Variants in STK35 observed in about 807,000 individuals in gnomAD.
STK35 encodes serine/threonine-protein kinase 35.
In STK35, 17 loss-of-function variants were observed where a neutral mutation model predicts 37.3. That is an observed-to-expected ratio of 0.46 (90% confidence interval 0.31 to 0.68). The LOEUF (loss-of-function observed/expected upper bound fraction) is 0.68. Ranked by LOEUF, STK35 falls within the 30% of genes least tolerant of loss-of-function variation. STK35 has a pLI of 0.05. For synonymous variants in STK35, 385 were observed against 319.1 expected (o/e 1.21, Z -2.20); for missense variants, 595 against 746.7 (o/e 0.80, Z 2.37).
At chr20:2,106,485 A>G (rs1275763577) in intron 2 of STK35, among the ~76,000 whole-genome samples, 1 of 152,212 alleles carries the variant, frequency 6.6e-6, no homozygotes, top group Non-Finnish European at 1.5e-5. Flanking sequence ...CTTACATTTG[A>G]AAAGTTTGAG....
rs1284598672 is a variant in STK35 at position 2,102,853 on chromosome 20, T to TC, written c.386dup (p.Pro130AlafsTer63). On this transcript the variant is annotated frameshift_variant, in exon 2 of 4. Transcript: ENST00000381482. LOFTEE classifies it high-confidence loss of function. The stretch of plus-strand genomic sequence containing the variant: ...GGGGCCCGGGCAGCGCCGTTGCTGC[T>TC]CCCCCCGCCGCCCGCAGCCATGGAA... 3.9e-6 allele frequency: 6 copies of TC among 1,542,142 alleles called. No homozygotes were observed. Among genetic ancestry groups the TC allele is most frequent in the Non-Finnish European group, 5.2e-6 (6 of 1,152,624 alleles).
chr20:2,144,151 T>C lies in STK35; in HGVS notation c.*405T>C. The C allele has an allele frequency of 3.2e-6, 1 of 310,056 alleles. No individual in the cohort carries two copies. The highest frequency in any genetic ancestry group is 6.2e-6 in the Non-Finnish European group (1 of 162,450). 19.2% of individuals were successfully genotyped at this position (310,056 alleles called of 1,614,324 possible). A position where few individuals can be genotyped will look rare whatever the true frequency, so the allele number is the denominator to read the frequency against. ...TTGGTTTTGTCCTTCACTTTCCCTCTGTCTTCCTTCTTTATACTTTTCTCA... is the reference window on the plus strand; with the variant it reads ...TTGGTTTTGTCCTTCACTTTCCCTCCGTCTTCCTTCTTTATACTTTTCTCA... On this transcript the variant is annotated 3_prime_UTR_variant, in exon 4 of 4. Coordinates refer to ENST00000381482, the MANE Select transcript of STK35 (RefSeq NM_080836.4).
At chr20:2,108,095 A>G (rs1030938348) in intron 2 of STK35, among the ~76,000 whole-genome samples, 2 of 152,248 alleles carry the variant, frequency 1.3e-5, no homozygotes, top group Non-Finnish European at 2.9e-5. Context: ...AAGGCCAGAC[A>G]TTCAAACTTG....
intron 3 of STK35, among the ~76,000 whole-genome samples, chr20:2,121,442 A>G (rs1985815058): frequency 6.6e-6 from 1 of 152,196 alleles, no homozygotes; most frequent in African/African-American, 2.4e-5. Flanking sequence ...AGTGATGGGA[A>G]GAATAGAGCT....
At chr20:2,106,424 A>G (rs56804131) in intron 2 of STK35, among the ~76,000 whole-genome samples, 1,620 of 152,312 alleles carry the variant, frequency 0.011, 25 homozygotes, top group African/African-American at 0.035. Flanking sequence ...TGGTATTTGA[A>G]GGGAAAGAAA....
intron 2 of STK35, among the ~76,000 whole-genome samples, chr20:2,108,469 C>T (rs1011604293): frequency 9.2e-5 from 14 of 152,120 alleles, no homozygotes; most frequent in African/African-American, 3.4e-4. Context: ...GAGATCGCAT[C>T]AGTGCACTCC....
At chr20:2,121,862 G>C (rs533491826) in intron 3 of STK35, among the ~76,000 whole-genome samples, 10 of 152,300 alleles carry the variant, frequency 6.6e-5, no homozygotes, top group African/African-American at 2.4e-4. Context: ...TGGAGTAATG[G>C]GGAAACCTGT....
Position 2,103,235 on chromosome 20 carries a change from C to T in STK35, c.762C>T (p.Leu254=). 6.2e-7 allele frequency: 1 copy of T among 1,613,146 alleles called. No homozygotes were observed. The highest frequency in any genetic ancestry group is 1.6e-4 in the Middle Eastern group (1 of 6,062). ...ALAEFWALTS[L]KRRHQNVVQF... ...CTGAATTCTGGGCCCTCACCAGCCTCAAGCGGCGCCACCAGAACGTCGTGC... is the reference window on the plus strand; with the variant it reads ...CTGAATTCTGGGCCCTCACCAGCCTTAAGCGGCGCCACCAGAACGTCGTGC... Residue 254 remains leucine (L), a synonymous_variant, in exon 2 of 4, where the codon CTC becomes CTT. Coordinates refer to ENST00000381482, the MANE Select transcript of STK35 (RefSeq NM_080836.4).
Position 2,105,924 on chromosome 20 carries a change from G to A in STK35, c.892+2559G>A, listed in dbSNP as rs142362397. Among the ~76,000 whole-genome samples the A allele has an allele frequency of 2.0e-3, 311 of 152,252 alleles. 1 individual carries two copies. Among genetic ancestry groups the A allele is most frequent in the African/African-American group, 6.6e-3 (276 of 41,536 alleles). ...AAAATGAAATCTTTTGCTTTAGGCC[G>A]TACACTGGATTGGATTGGTCCCTTT... On this transcript the variant is annotated intron_variant, in intron 2 of 3. Coordinates refer to ENST00000381482, the MANE Select transcript of STK35 (RefSeq NM_080836.4).
chr20:2,119,555 G>A (rs552128150), intron 3 of STK35, among the ~76,000 whole-genome samples: 1 of 152,364 alleles, frequency 6.6e-6, no homozygotes, highest in Admixed American at 6.5e-5. Flanking sequence ...AGTTTCACAT[G>A]AACCATTTTG....
chr20:2,108,559 G>A (rs1410740792), intron 2 of STK35, among the ~76,000 whole-genome samples: 1 of 152,092 alleles, frequency 6.6e-6, no homozygotes, highest in African/African-American at 2.4e-5. Context: ...GTTGTATATT[G>A]ATCAGTGCTT....
chr20:2,105,984 T>A (rs897400699), intron 2 of STK35, among the ~76,000 whole-genome samples: 2 of 152,216 alleles, frequency 1.3e-5, no homozygotes, highest in African/African-American at 4.8e-5. Context: ...TTTGAACCTC[T>A]ACGGTGTTCA....
At position 2,101,925 on chromosome 20, in the gene STK35, G is replaced by A. The variant is rs532832554; in HGVS notation, c.44G>A (p.Gly15Asp). The A allele has an allele frequency of 4.7e-5, 70 of 1,478,556 alleles. No homozygotes were observed. In the South Asian group the frequency reaches 7.8e-4, roughly 16 times the overall value. The allele number at this position is 1,478,556 out of a possible 1,614,324, so 91.6% of individuals were successfully genotyped here. A position where few individuals can be genotyped will look rare whatever the true frequency, so the allele number is the denominator to read the frequency against. ...ESPLARAPAGGAAYVKRLCKG... is the reference protein window; with the variant it reads ...ESPLARAPAGDAAYVKRLCKG... ...CCGCTGGCCCGGGCGCCGGCGGGAG[G>A]TGCAGCTTATGTAAAGAGGTTATGT... is the stretch of plus-strand genomic sequence containing the variant. The change falls in exon 1 of 4, where the codon GGT (glycine) becomes GAT (aspartate). Residue 15 changes from glycine (G) to aspartate (D), a missense_variant. By Grantham distance (94) the Gly-to-Asp change is moderately conservative. Around this residue, in one of 3 missense-constraint regions of STK35, gnomAD observed 389 missense variants for 320.0 expected, o/e 1.22. Transcript: ENST00000381482.
intron 3 of STK35, among the ~76,000 whole-genome samples, chr20:2,135,430 G>A (rs1482890886): frequency 6.6e-6 from 1 of 152,186 alleles, no homozygotes; most frequent in African/African-American, 2.4e-5. Context: ...GTGGCATATG[G>A]GAGTCCTCCA....
chr20:2,107,554 C>G (rs1252319927), intron 2 of STK35, among the ~76,000 whole-genome samples: 5 of 152,130 alleles, frequency 3.3e-5, no homozygotes, highest in Non-Finnish European at 7.3e-5. Flanking sequence ...TGCAGGGTCA[C>G]AAGTGGTAGC....
chr20:2,133,912 G>A (rs903582154), intron 3 of STK35, among the ~76,000 whole-genome samples: 3 of 152,160 alleles, frequency 2.0e-5, no homozygotes, highest in Non-Finnish European at 4.4e-5. Flanking sequence ...TGCTGTCTCG[G>A]CTTTAAGCTT....
At chr20:2,140,885 G>A (rs1225733563) in intron 3 of STK35, among the ~76,000 whole-genome samples, 1 of 152,200 alleles carries the variant, frequency 6.6e-6, no homozygotes, top group Non-Finnish European at 1.5e-5. Context: ...ATGTAAAAAG[G>A]AACCTCTGGT....
chr20:2,112,144 G>A (rs375272857), intron 2 of STK35, among the ~76,000 whole-genome samples: 7 of 152,204 alleles, frequency 4.6e-5, no homozygotes, highest in Non-Finnish European at 1.0e-4. Flanking sequence ...TCTGGAGAAG[G>A]CTTAAGGATA....
rs554069667 is a variant in STK35, at chr20:2,146,473, G to T, written c.*2727G>T. ...GTCATTTGTTCTCCTCGGCTCTGTG[G>T]CAAGGATAGCCCTTTGGAGGGGGAC... On this transcript the variant is annotated 3_prime_UTR_variant, in exon 4 of 4. Coordinates refer to ENST00000381482, the MANE Select transcript of STK35 (RefSeq NM_080836.4). 4 of 152,930 alleles carry T rather than the reference G, an allele frequency of 2.6e-5. No homozygotes were observed. Among genetic ancestry groups the T allele is most frequent in the Non-Finnish European group, 4.4e-5 (3 of 68,136 alleles). 9.5% of individuals were successfully genotyped at this position (152,930 alleles called of 1,614,324 possible). A position where few individuals can be genotyped will look rare whatever the true frequency, so the allele number is the denominator to read the frequency against.
Sources: allele counts gnomAD v4.1 joint callset (sites outside exome capture counted in the v4.1 genomes callset), GRCh38; gene constraint gnomAD v4.1.1; regional missense constraint gnomAD v4.1.1; transcripts MANE v1.5; gene names NCBI Gene and HGNC (gene_info 2026-07-23, HGNC 2026-07-21).